The following MLLT3 variants were observed in gnomAD, a reference collection of about 807,000 sequenced individuals.
The protein encoded by MLLT3 is protein AF-9.
A neutral mutation model predicts 53.2 loss-of-function variants in MLLT3; 4 were observed. The ratio of observed to expected loss-of-function variants is 0.08; its 90% CI spans 0.04 to 0.17. MLLT3 has a LOEUF of 0.17. MLLT3 is among the 10% of genes least tolerant of loss of function. The pLI, the probability that MLLT3 is intolerant of heterozygous loss-of-function variation, is 1.00. For synonymous variants in MLLT3, 283 were observed against 230.6 expected (o/e 1.23, Z -2.06); for missense variants, 569 against 684.0 (o/e 0.83, Z 1.87).
chr9:20,532,887 C>T (rs1426480244), intron 2 of MLLT3: 1 of 254,830 alleles, frequency 3.9e-6, no homozygotes, highest in East Asian at 1.1e-4. Flanking sequence ...AGACAAGAAG[C>T]AGAGCTTGTT....
intron 4 of MLLT3, among the ~76,000 whole-genome samples, chr9:20,424,069 G>A (rs191909082): frequency 5.3e-4 from 80 of 152,228 alleles, no homozygotes; most frequent in African/African-American, 1.8e-3. Flanking sequence ...GCATACAGGA[G>A]GATGTGCATA....
At chr9:20,524,059 G>C (rs1476840234) in intron 2 of MLLT3, among the ~76,000 whole-genome samples, 1 of 151,938 alleles carries the variant, frequency 6.6e-6, no homozygotes. Context: ...TGAATAGGTA[G>C]AGCACAGTGG....
chr9:20,547,959 A>C (rs1818834027), intron 2 of MLLT3, among the ~76,000 whole-genome samples: 1 of 152,186 alleles, frequency 6.6e-6, no homozygotes, highest in East Asian at 1.9e-4. Flanking sequence ...CTCAAAAATA[A>C]AACAAAATAA....
intron 10 of MLLT3, among the ~76,000 whole-genome samples, chr9:20,347,179 G>C (rs1047067535): frequency 2.6e-5 from 4 of 151,778 alleles, no homozygotes; most frequent in Non-Finnish European, 5.9e-5. Flanking sequence ...CTAGAGTACT[G>C]GAACTGTTTT....
intron 2 of MLLT3, among the ~76,000 whole-genome samples, chr9:20,519,614 C>T (rs1412240414): frequency 6.6e-6 from 1 of 152,114 alleles, no homozygotes; most frequent in Non-Finnish European, 1.5e-5. Flanking sequence ...CATCACTGAT[C>T]ATTAGAGAAA....
intron 5 of MLLT3, among the ~76,000 whole-genome samples, chr9:20,412,957 C>T (rs1356470341): frequency 6.6e-6 from 1 of 151,984 alleles, no homozygotes; most frequent in Admixed American, 6.6e-5. Flanking sequence ...AGTTTAAACC[C>T]CAATATCAAA....
chr9:20,360,597 T>C, intron 8 of MLLT3, 145 bp downstream of exon 8: 1 of 663,908 alleles, frequency 1.5e-6, no homozygotes, highest in Non-Finnish European at 2.7e-6. Flanking sequence ...TATGTGTTTA[T>C]TCCACAGGCT....
intron 4 of MLLT3, among the ~76,000 whole-genome samples, chr9:20,427,381 G>C (rs1336370310): frequency 1.3e-5 from 2 of 149,256 alleles, no homozygotes; most frequent in East Asian, 1.9e-4. Context: ...CAGCTGAAAA[G>C]AATTAGTGAA....
In MLLT3 at chr9:20,620,556, C is replaced by CGGCGCGG; in HGVS notation, c.193+91_193+97dup. Reference sequence around the variant, plus strand: ...GATCCCGAGGCTACGCCGGCGAGCGCGGCGCGGGGGGCGGGGAGCGGGACA... The same window carrying CGGCGCGG: ...GATCCCGAGGCTACGCCGGCGAGCGCGGCGCGGGGCGCGGGGGGCGGGGAGCGGGACA... On this transcript the variant is annotated intron_variant, in intron 2 of 10. Coordinates refer to ENST00000380338, the MANE Select transcript of MLLT3 (RefSeq NM_004529.4). This position sits in a 1 kb window ranked among gnomAD's most constrained non-coding sequence, Gnocchi z 6.1. 1 of 1,130,880 alleles carries CGGCGCGG rather than the reference C, an allele frequency of 8.8e-7. No individual in the cohort carries two copies. The allele number at this position is 1,130,880 out of a possible 1,614,324, so 70.1% of individuals were successfully genotyped here. A position where few individuals can be genotyped will look rare whatever the true frequency, so the allele number is the denominator to read the frequency against.
At chr9:20,509,925 T>G (rs1031711138) in intron 2 of MLLT3, among the ~76,000 whole-genome samples, 1 of 152,128 alleles carries the variant, frequency 6.6e-6, no homozygotes, top group East Asian at 1.9e-4. Flanking sequence ...GGCAGGCCAG[T>G]TGGCTTCCTG....
At chr9:20,549,640 A>G (rs1818878096) in intron 2 of MLLT3, among the ~76,000 whole-genome samples, 1 of 152,202 alleles carries the variant, frequency 6.6e-6, no homozygotes, top group African/African-American at 2.4e-5. Context: ...GTTTGAACCT[A>G]AACAGTCTGG....
chr9:20,461,835 A>G (rs1824115345), intron 2 of MLLT3, among the ~76,000 whole-genome samples: 1 of 152,084 alleles, frequency 6.6e-6, no homozygotes, highest in African/African-American at 2.4e-5. Context: ...GCCCATTGAT[A>G]ATTATTGGCT....
intron 2 of MLLT3, among the ~76,000 whole-genome samples, chr9:20,558,163 A>G (rs919703822): frequency 2.0e-5 from 3 of 152,192 alleles, no homozygotes; most frequent in African/African-American, 7.2e-5. Context: ...TGAACACAGA[A>G]CCATTGATTT....
chr9:20,613,660 GTAAA>G (rs1318452372), intron 2 of MLLT3, among the ~76,000 whole-genome samples: 1 of 151,704 alleles, frequency 6.6e-6, no homozygotes, highest in Non-Finnish European at 1.5e-5. Context: ...AAGACAAACG[GTAAA>G]TAAATACATA....
chr9:20,381,919 C>G (rs996478222), intron 5 of MLLT3, among the ~76,000 whole-genome samples: 7 of 151,788 alleles, frequency 4.6e-5, no homozygotes, highest in African/African-American at 1.7e-4. Flanking sequence ...CTTAGCTTCT[C>G]TCAGAAAATA....
chr9:20,522,819 C>T (rs1263570953), intron 2 of MLLT3, among the ~76,000 whole-genome samples: 1 of 152,024 alleles, frequency 6.6e-6, no homozygotes, highest in East Asian at 1.9e-4. Context: ...CTAATCTCAG[C>T]ATGTGGTGGT....
chr9:20,577,233 T>C (rs909225778), intron 2 of MLLT3, among the ~76,000 whole-genome samples: 1 of 152,140 alleles, frequency 6.6e-6, no homozygotes, highest in Non-Finnish European at 1.5e-5. Flanking sequence ...AATTTAGTAT[T>C]GCTTCCCTCC....
At chr9:20,362,703 C>T (rs1218887204) in intron 7 of MLLT3, 1 of 122,906 alleles carries the variant, frequency 8.1e-6, no homozygotes, top group Non-Finnish European at 1.5e-5. Context: ...TGGGTTAAGA[C>T]CGCTTTTTTT....
intron 8 of MLLT3, among the ~76,000 whole-genome samples, chr9:20,360,287 C>A (rs1317458554): frequency 6.6e-6 from 1 of 152,068 alleles, no homozygotes; most frequent in African/African-American, 2.4e-5. Context: ...TTCCCAATAA[C>A]CTAAAAGATA....
Sources: allele counts gnomAD v4.1 joint callset (sites outside exome capture counted in the v4.1 genomes callset), GRCh38; gene constraint gnomAD v4.1.1; non-coding constraint Gnocchi (gnomAD v3.1); transcripts MANE v1.5; gene names NCBI Gene and HGNC (gene_info 2026-07-23, HGNC 2026-07-21).